Variants in ZNF644 observed in about 807,000 individuals in gnomAD.
ZNF644 encodes zinc finger protein 644.
In ZNF644, 20 loss-of-function variants were observed where a neutral mutation model predicts 108.0. The ratio of observed to expected loss-of-function variants is 0.19; its 90% CI spans 0.13 to 0.27. The LOEUF is 0.27. Ranked by LOEUF, ZNF644 falls within the 10% of genes least tolerant of loss-of-function variation. The pLI, the probability that ZNF644 is intolerant of heterozygous loss-of-function variation, is 1.00. For missense variants in ZNF644, 1,338 were observed against 1,548.9 expected (o/e 0.86, Z 2.29); for synonymous variants, 542 against 539.1 (o/e 1.01, Z -0.08).
intron 4 of ZNF644, among the ~76,000 whole-genome samples, chr1:90,921,013 T>C (rs1649371182): frequency 6.6e-6 from 1 of 152,090 alleles, no homozygotes; most frequent in African/African-American, 2.4e-5. Flanking sequence ...TGGGAAAATC[T>C]GTTTAAAATT....
Position 90,982,328 on chromosome 1 carries a change from A to G in ZNF644, c.26T>C (p.Val9Ala). The G allele has an allele frequency of 6.2e-7, 1 of 1,610,648 alleles. No homozygotes were observed. The change falls in exon 2 of 6, where the codon GTT (valine) becomes GCT (alanine). Residue 9 changes from valine (V) to alanine (A), a missense_variant. Transcript: ENST00000337393. Reference sequence around the variant, plus strand: ...TACTTACCTAGATTTTGTCTTATTAACATCTTGCTGCAAGAACGATCTCAT... The same window carrying G: ...TACTTACCTAGATTTTGTCTTATTAGCATCTTGCTGCAAGAACGATCTCAT... Reference protein sequence around the residue: MRSFLQQDVNKTKSRLNVL... With the variant: MRSFLQQDANKTKSRLNVL...
At position 90,941,176 on chromosome 1, in the gene ZNF644, T is replaced by G; in HGVS notation, c.178A>C (p.Lys60Gln). ...SDKESGVHKP[K>Q]DCQTSFQKNN... ...TTCTGAAATGATGTTTGACAATCTTTTGGCTTATGAACTCCGCTCTCTTTG... is the reference window on the plus strand; with the variant it reads ...TTCTGAAATGATGTTTGACAATCTTGTGGCTTATGAACTCCGCTCTCTTTG... Residue 60 changes from lysine (K) to glutamine (Q), a missense_variant, in exon 3 of 6, where the codon AAA (lysine) becomes CAA (glutamine). Coordinates refer to ENST00000337393, the MANE Select transcript of ZNF644 (RefSeq NM_201269.3). The G allele has an allele frequency of 1.2e-6, 2 of 1,613,008 alleles. No individual in the cohort carries two copies. Among genetic ancestry groups the G allele is most frequent in the Non-Finnish European group, 1.7e-6 (2 of 1,179,614 alleles).
intron 1 of ZNF644, among the ~76,000 whole-genome samples, chr1:90,998,041 C>T (rs866658228): frequency 5.9e-5 from 9 of 152,266 alleles, no homozygotes; most frequent in East Asian, 1.9e-4. Flanking sequence ...GTAAACAAAG[C>T]GGCCAGGAAG....
Position 90,939,530 on chromosome 1 carries a change from C to G in ZNF644, c.1824G>C (p.Leu608Phe), listed in dbSNP as rs1651727068. The change falls in exon 3 of 6, where the codon TTG becomes TTC. Residue 608 changes from leucine (L) to phenylalanine (F), a missense_variant. By Grantham distance (22) the Leu-to-Phe change is conservative. Transcript: ENST00000337393. ...KSVLKKHTEYLHSSSCVDSFG... is the reference protein window; with the variant it reads ...KSVLKKHTEYFHSSSCVDSFG... ...ATGAATCAACACATGATGATGAATG[C>G]AAGTACTCCGTGTGCTTTTTTAAAA... 5 of 1,613,830 alleles carry G rather than the reference C, an allele frequency of 3.1e-6. No homozygotes were observed. Among genetic ancestry groups the G allele is most frequent in the Non-Finnish European group, 3.4e-6 (4 of 1,179,932 alleles).
intron 4 of ZNF644, among the ~76,000 whole-genome samples, chr1:90,932,628 G>A (rs1241602308): frequency 6.6e-6 from 1 of 151,960 alleles, no homozygotes; most frequent in Non-Finnish European, 1.5e-5. Flanking sequence ...TGATATGGGG[G>A]ATAATCAGTA....
intron 4 of ZNF644, among the ~76,000 whole-genome samples, chr1:90,922,125 G>A (rs991215739): frequency 5.3e-5 from 8 of 152,046 alleles, no homozygotes; most frequent in African/African-American, 1.7e-4. Flanking sequence ...AATGACCCAA[G>A]AGAATGAGAT....
At chr1:90,943,545 T>C (rs750777252) in intron 2 of ZNF644, among the ~76,000 whole-genome samples, 5 of 152,238 alleles carry the variant, frequency 3.3e-5, no homozygotes, top group Non-Finnish European at 4.4e-5. Flanking sequence ...CATAAAATGT[T>C]ATTTAATACA....
intron 2 of ZNF644, among the ~76,000 whole-genome samples, chr1:90,981,776 G>C (rs1656576399): frequency 6.6e-6 from 1 of 151,994 alleles, no homozygotes; most frequent in Non-Finnish European, 1.5e-5. Flanking sequence ...ATTCAGTAGA[G>C]ACACCCACTA....
At chr1:90,959,589 C>T (rs1318871197) in intron 2 of ZNF644, among the ~76,000 whole-genome samples, 2 of 152,094 alleles carry the variant, frequency 1.3e-5, no homozygotes, top group Non-Finnish European at 2.9e-5. Flanking sequence ...CATGCTACAA[C>T]TTGCCAAGTA....
intron 2 of ZNF644, among the ~76,000 whole-genome samples, chr1:90,950,889 T>C (rs182957686): frequency 8.5e-4 from 129 of 152,290 alleles, no homozygotes; most frequent in Non-Finnish European, 1.4e-3. Context: ...GATGTTATAT[T>C]TGCAATACTC....
At chr1:90,943,494 A>C (rs150223304) in intron 2 of ZNF644, among the ~76,000 whole-genome samples, 2 of 152,186 alleles carry the variant, frequency 1.3e-5, no homozygotes, top group African/African-American at 4.8e-5. Context: ...TTCTTATTTT[A>C]TAACTTAGAA....
chr1:90,986,302 G>A (rs1384625248), intron 1 of ZNF644, among the ~76,000 whole-genome samples: 1 of 150,256 alleles, frequency 6.7e-6, no homozygotes, highest in African/African-American at 2.5e-5. Flanking sequence ...CCTCAAAACT[G>A]TTAAGGTGAA....
chr1:90,981,001 T>C (rs906434822), intron 2 of ZNF644, among the ~76,000 whole-genome samples: 39 of 152,080 alleles, frequency 2.6e-4, no homozygotes, highest in African/African-American at 8.4e-4. Flanking sequence ...TATATAAGCA[T>C]GGTGAAAAAT....
chr1:90,919,399 C>T (rs1035969584), intron 4 of ZNF644, among the ~76,000 whole-genome samples: 5 of 152,094 alleles, frequency 3.3e-5, no homozygotes, highest in African/African-American at 1.2e-4. Flanking sequence ...GTTCAAAGTC[C>T]AGATTCCAAA....
intron 1 of ZNF644, among the ~76,000 whole-genome samples, chr1:90,994,400 C>T (rs1455369106): frequency 6.6e-6 from 1 of 152,156 alleles, no homozygotes; most frequent in Non-Finnish European, 1.5e-5. Context: ...CACTGTAGGG[C>T]TCTGTATTCA....
At chr1:90,946,749 C>T (rs1181103471) in intron 2 of ZNF644, among the ~76,000 whole-genome samples, 2 of 151,208 alleles carry the variant, frequency 1.3e-5, no homozygotes, top group Non-Finnish European at 3.0e-5. Flanking sequence ...AATACCAAAA[C>T]ACAAAACAAA....
rs754759194 is a variant in ZNF644 at position 90,938,991 on chromosome 1, T to C, written c.2363A>G (p.Asp788Gly). The change falls in exon 3 of 6, where the codon GAC becomes GGC. Residue 788 changes from aspartate (D) to glycine (G), a missense_variant. Asp to Gly is a moderately conservative substitution (Grantham distance 94). Coordinates refer to ENST00000337393, the MANE Select transcript of ZNF644 (RefSeq NM_201269.3). The surrounding 1 kb of genome is among the most constrained non-coding windows in gnomAD (Gnocchi z 4.2). ...SSNSHNNFISDPHKPDAKRPE... is the reference protein window; with the variant it reads ...SSNSHNNFISGPHKPDAKRPE... ...CCTTTTGGCGTCAGGCTTATGAGGG[T>C]CTGAAATAAAATTGTTGTGAGAATT... 1.9e-6 allele frequency: 3 copies of C among 1,613,994 alleles called. No individual in the cohort carries two copies. In the South Asian group the frequency reaches 3.3e-5, roughly 18 times the overall value.
intron 4 of ZNF644, among the ~76,000 whole-genome samples, chr1:90,931,368 C>A (rs1650707781): frequency 2.6e-5 from 2 of 76,486 alleles, no homozygotes; most frequent in African/African-American, 4.1e-5. Flanking sequence ...AGAACAAAAT[C>A]TCAAAAAAAA....
chr1:90,927,153 T>C (rs13376088), intron 4 of ZNF644, among the ~76,000 whole-genome samples: 12 of 151,386 alleles, frequency 7.9e-5, no homozygotes, highest in African/African-American at 2.7e-4. Context: ...GCCTTGGGAG[T>C]TCCTAGTCTA....
Sources: allele counts gnomAD v4.1 joint callset (sites outside exome capture counted in the v4.1 genomes callset), GRCh38; gene constraint gnomAD v4.1.1; non-coding constraint Gnocchi (gnomAD v3.1); transcripts MANE v1.5; gene names NCBI Gene and HGNC (gene_info 2026-07-23, HGNC 2026-07-21).